EPHA6: variants seen among roughly 807,000 people sequenced by gnomAD.
EPHA6 encodes EPH receptor A6, also known as ephrin type-A receptor 6.
EPHA6 carries 50 observed loss-of-function variants against 112.0 expected under a neutral mutation model. The observed-to-expected ratio is 0.45, with a 90% CI of 0.36 to 0.56. EPHA6 has a LOEUF of 0.56. Ranked by LOEUF, EPHA6 falls within the 20% of genes least tolerant of loss-of-function variation. EPHA6 has a pLI of 0.00. For synonymous variants in EPHA6, 529 were observed against 490.7 expected (o/e 1.08, Z -1.03); for missense variants, 1,280 against 1,417.4 (o/e 0.90, Z 1.56).
chr3:96,909,431 T>C (rs2039103000), intron 2 of EPHA6, among the ~76,000 whole-genome samples: 1 of 151,968 alleles, frequency 6.6e-6, no homozygotes, highest in Non-Finnish European at 1.5e-5. Flanking sequence ...TTGATTTTTT[T>C]TAATTTTCTA....
chr3:96,857,878 G>A (rs2035787757), intron 1 of EPHA6, among the ~76,000 whole-genome samples: 1 of 152,008 alleles, frequency 6.6e-6, no homozygotes, highest in Non-Finnish European at 1.5e-5. Context: ...GTATATTATT[G>A]TGTCCGGTTT....
intron 5 of EPHA6, chr3:97,244,699 A>G (rs369134201): frequency 3.5e-5 from 7 of 201,808 alleles, no homozygotes; most frequent in Non-Finnish European, 6.9e-5. Context: ...TTTTAAAACT[A>G]TAATTCATGT....
chr3:97,426,016 C>T (rs370503318), intron 6 of EPHA6, among the ~76,000 whole-genome samples: 2 of 152,186 alleles, frequency 1.3e-5, no homozygotes, highest in Admixed American at 1.3e-4. Flanking sequence ...AGCCATTCAA[C>T]AAACCTCTAG....
At chr3:97,438,194 C>T (rs1165555521) in intron 6 of EPHA6, among the ~76,000 whole-genome samples, 1 of 152,128 alleles carries the variant, frequency 6.6e-6, no homozygotes, top group African/African-American at 2.4e-5. Flanking sequence ...ATCTGTATCT[C>T]ATCTATCTAC....
chr3:97,663,589 G>A (rs1385592992), intron 14 of EPHA6, among the ~76,000 whole-genome samples: 5 of 150,034 alleles, frequency 3.3e-5, no homozygotes, highest in Non-Finnish European at 5.9e-5. Context: ...GTGGTGTTTG[G>A]TTTTTTGTCC....
intron 2 of EPHA6, among the ~76,000 whole-genome samples, chr3:96,877,640 C>T (rs1034442110): frequency 2.9e-5 from 4 of 135,838 alleles, no homozygotes; most frequent in East Asian, 2.7e-4. Flanking sequence ...CACAGGTTGG[C>T]GTTAAATGTT....
At chr3:97,638,123 T>A in intron 14 of EPHA6, 41 bp downstream of exon 14, 1 of 1,442,440 alleles carries the variant, frequency 6.9e-7, no homozygotes, top group Non-Finnish European at 9.6e-7. Context: ...CTGTTTACTT[T>A]TATTGTTTTT....
chr3:96,855,695 CAG>C (rs745934387), intron 1 of EPHA6, among the ~76,000 whole-genome samples: 6 of 143,852 alleles, frequency 4.2e-5, no homozygotes, highest in African/African-American at 1.3e-4. Flanking sequence ...AAAAAAAAAA[CAG>C]AGAAAATACA....
intron 2 of EPHA6, among the ~76,000 whole-genome samples, chr3:96,903,414 C>A (rs1367008476): frequency 2.6e-5 from 4 of 151,966 alleles, no homozygotes; most frequent in Non-Finnish European, 5.9e-5. Flanking sequence ...GGAAAATCAC[C>A]CTTAAAATGT....
chr3:97,709,945 C>A (rs570831966), intron 14 of EPHA6, among the ~76,000 whole-genome samples: 3 of 152,150 alleles, frequency 2.0e-5, no homozygotes, highest in Non-Finnish European at 4.4e-5. Flanking sequence ...GTCAATTCAA[C>A]CCCTTTTGTT....
intron 3 of EPHA6, among the ~76,000 whole-genome samples, chr3:97,168,026 A>G (rs1400625860): frequency 6.6e-6 from 1 of 152,086 alleles, no homozygotes; most frequent in Non-Finnish European, 1.5e-5. Flanking sequence ...TTTTGTATGT[A>G]TTTAGTAAAG....
intron 5 of EPHA6, among the ~76,000 whole-genome samples, chr3:97,331,197 G>A (rs1049208959): frequency 5.3e-5 from 8 of 151,988 alleles, no homozygotes; most frequent in Non-Finnish European, 8.8e-5. Context: ...TTTGAAACCA[G>A]CGAGAACAAA....
At chr3:97,037,691 GA>G (rs1413493815) in intron 3 of EPHA6, among the ~76,000 whole-genome samples, 1 of 152,046 alleles carries the variant, frequency 6.6e-6, no homozygotes. Context: ...TAAGAGGAAA[GA>G]AAGGAAGCAG....
chr3:97,207,240 T>C (rs1456983491), intron 3 of EPHA6, among the ~76,000 whole-genome samples: 1 of 152,166 alleles, frequency 6.6e-6, no homozygotes, highest in Non-Finnish European at 1.5e-5. Context: ...GTTGTATAAG[T>C]CAAAGAATAT....
chr3:97,411,916 A>T (rs2087743445), intron 6 of EPHA6, among the ~76,000 whole-genome samples: 1 of 151,996 alleles, frequency 6.6e-6, no homozygotes, highest in Non-Finnish European at 1.5e-5. Context: ...TGTTCAGATT[A>T]TTTTTTATAT....
chr3:96,878,225 C>T (rs998538011), intron 2 of EPHA6, among the ~76,000 whole-genome samples: 1 of 151,716 alleles, frequency 6.6e-6, no homozygotes, highest in African/African-American at 2.4e-5. Flanking sequence ...TTATACTAAT[C>T]GTTTGGATGA....
intron 11 of EPHA6, among the ~76,000 whole-genome samples, chr3:97,585,331 C>A (rs2093478114): frequency 6.6e-6 from 1 of 152,138 alleles, no homozygotes. Context: ...ATGTCTTAGT[C>A]TTAATCAACT....
At chr3:96,969,063 A>G (rs145781551) in intron 2 of EPHA6, among the ~76,000 whole-genome samples, 22 of 152,026 alleles carry the variant, frequency 1.4e-4, no homozygotes, top group Admixed American at 5.9e-4. Context: ...GAAATTCTCA[A>G]CCTGGTTCAG....
chr3:97,220,953 C>A (rs1352596229), intron 3 of EPHA6, among the ~76,000 whole-genome samples: 1 of 151,956 alleles, frequency 6.6e-6, no homozygotes, highest in Non-Finnish European at 1.5e-5. Flanking sequence ...ATGCACTATT[C>A]CAAAAGATGT....
Sources: gnomAD v4.1 joint callset for allele counts (sites outside exome capture counted in the v4.1 genomes callset) on GRCh38, gnomAD v4.1.1 for gene constraint, MANE v1.5 for transcripts, NCBI Gene and HGNC (gene_info 2026-07-23, HGNC 2026-07-21) for gene names.